CNTNAP4: variants seen among roughly 807,000 people sequenced by gnomAD.
The protein encoded by CNTNAP4 is contactin associated protein family member 4.
In CNTNAP4, 98 loss-of-function variants were observed where a neutral mutation model predicts 148.4. The observed-to-expected ratio is 0.66, with a 90% CI of 0.56 to 0.78. The LOEUF (loss-of-function observed/expected upper bound fraction) is 0.78. Among genes scored for constraint, CNTNAP4 ranks in the 30% least tolerant of loss-of-function variants. The pLI is 0.00. For missense variants in CNTNAP4, 1,935 were observed against 1,565.6 expected, an observed-to-expected ratio of 1.24 and a Z score of -3.98; for synonymous variants, 730 against 565.1, an observed-to-expected ratio of 1.29 and a Z score of -4.14.
intron 3 of CNTNAP4, among the ~76,000 whole-genome samples, chr16:76,427,012 A>G (rs1187298285): frequency 6.6e-6 from 1 of 152,194 alleles, no homozygotes; most frequent in Non-Finnish European, 1.5e-5. Context: ...GAAAGAACCA[A>G]AAGACATCAT....
intron 2 of CNTNAP4, among the ~76,000 whole-genome samples, chr16:76,339,773 A>G (rs1293925018): frequency 6.6e-6 from 1 of 152,240 alleles, no homozygotes. Context: ...CCTCGCTTTT[A>G]TGTTTGAGCA....
chr16:76,355,410 C>T lies in CNTNAP4; in HGVS notation c.289C>T (p.Gln97Ter). The change falls in exon 3 of 24, where the codon CAA becomes TAA. Residue 97 changes from glutamine (Q) to a stop codon, truncating the protein, a stop_gained. Transcript: ENST00000611870. LOFTEE classifies it high-confidence loss of function. ...ERMEVTAVATQGGYGSSNWVT... is the reference protein window; with the variant it reads ...ERMEVTAVAT ...AATGGAGGTCACCGCTGTGGCCACT[C>T]AAGGGGGATATGGTAGCTCCAACTG... The T allele has an allele frequency of 6.2e-7, 1 of 1,611,998 alleles. No homozygotes were observed. Among genetic ancestry groups the T allele is most frequent in the Non-Finnish European group, 8.5e-7 (1 of 1,178,872 alleles).
intron 2 of CNTNAP4, among the ~76,000 whole-genome samples, chr16:76,346,630 A>C (rs1360042338): frequency 6.6e-6 from 1 of 152,162 alleles, no homozygotes; most frequent in Non-Finnish European, 1.5e-5. Context: ...CCTGATTATC[A>C]TCTGAATTTC....
intron 2 of CNTNAP4, among the ~76,000 whole-genome samples, chr16:76,340,319 T>G (rs1350671531): frequency 6.6e-6 from 1 of 152,220 alleles, no homozygotes; most frequent in Non-Finnish European, 1.5e-5. Context: ...GCTTCCTTCA[T>G]TCTCATCACC....
At chr16:76,449,884 A>T (rs1477588788) in intron 7 of CNTNAP4, 26 bp downstream of exon 7, 1 of 1,568,904 alleles carries the variant, frequency 6.4e-7, no homozygotes, top group Non-Finnish European at 8.6e-7. Context: ...CGAAGACATT[A>T]GTAAAACTAT....
At chr16:76,368,162 C>T (rs996717590) in intron 3 of CNTNAP4, among the ~76,000 whole-genome samples, 1 of 152,134 alleles carries the variant, frequency 6.6e-6, no homozygotes, top group Non-Finnish European at 1.5e-5. Context: ...TTAGATTCTC[C>T]TGCACATTCT....
Position 76,277,597 on chromosome 16 carries a change from G to T in CNTNAP4, c.-66G>T, listed in dbSNP as rs368397887. ...CCCAGACAGAGCTGGCAGAGCTACT[G>T]AGAAGAGGACTGGAGCGCTCTGAGA... On this transcript the variant is annotated 5_prime_UTR_variant, in exon 1 of 24. Coordinates refer to ENST00000611870, the MANE Select transcript of CNTNAP4 (RefSeq NM_033401.5). 188 of 1,082,342 alleles carry T rather than the reference G, an allele frequency of 1.7e-4. No homozygotes were observed. The African/African-American group carries it at 2.6e-3, about 15-fold the overall frequency. The allele number at this position is 1,082,342 out of a possible 1,614,324, so 67.0% of individuals were successfully genotyped here.
At chr16:76,355,245 AT>A in intron 2 of CNTNAP4, 72 bp from the exon 3 acceptor site, 2 of 1,180,820 alleles carry the variant, frequency 1.7e-6, no homozygotes. Context: ...TCGTACTGGC[AT>A]TTCTTTACAA....
intron 2 of CNTNAP4, among the ~76,000 whole-genome samples, chr16:76,320,767 ATAGTG>A (rs1962321244): frequency 6.6e-6 from 1 of 152,174 alleles, no homozygotes; most frequent in Non-Finnish European, 1.5e-5. Flanking sequence ...CACATCTTTT[ATAGTG>A]TTATAATCTG....
intron 2 of CNTNAP4, among the ~76,000 whole-genome samples, chr16:76,320,897 CA>C (rs1221022424): frequency 6.6e-6 from 1 of 152,046 alleles, no homozygotes; most frequent in African/African-American, 2.4e-5. Flanking sequence ...TTGTCCAAAG[CA>C]AAAATAATAT....
At chr16:76,345,774 C>A (rs1207690420) in intron 2 of CNTNAP4, among the ~76,000 whole-genome samples, 1 of 152,132 alleles carries the variant, frequency 6.6e-6, no homozygotes, top group African/African-American at 2.4e-5. Flanking sequence ...AGATTTACAC[C>A]TCAAGGGGCA....
At chr16:76,436,920 C>T (rs1254876206) in intron 4 of CNTNAP4, among the ~76,000 whole-genome samples, 1 of 151,870 alleles carries the variant, frequency 6.6e-6, no homozygotes, top group Non-Finnish European at 1.5e-5. Context: ...ACTCCTGGTA[C>T]CAAAATCTGT....
intron 2 of CNTNAP4, among the ~76,000 whole-genome samples, chr16:76,335,303 C>T (rs1963924193): frequency 6.6e-6 from 1 of 152,132 alleles, no homozygotes; most frequent in Non-Finnish European, 1.5e-5. Context: ...TAGAAATAGA[C>T]ACAATATCTC....
chr16:76,425,046 A>C (rs1319681995), intron 3 of CNTNAP4, among the ~76,000 whole-genome samples: 1 of 152,136 alleles, frequency 6.6e-6, no homozygotes, highest in African/African-American at 2.4e-5. Context: ...TTTCTTACCA[A>C]ACCTCAGTAA....
In CNTNAP4 at chr16:76,373,263, T is replaced by TATATGTGAAATATATTCCACATAA. The variant is rs1567902341; in HGVS notation, c.390+17784_390+17807dup. The stretch of plus-strand genomic sequence containing the variant: ...TAAATAGGTGAATATATTCCACATA[T>TATATGTGAAATATATTCCACATAA]ATATGTGAAATATATTCCACATAAA... On this transcript the variant is annotated intron_variant, in intron 3 of 23. Coordinates refer to ENST00000611870, the MANE Select transcript of CNTNAP4 (RefSeq NM_033401.5). 3.9e-4 allele frequency among the ~76,000 whole-genome samples: 23 copies of TATATGTGAAATATATTCCACATAA among 58,768 alleles called. No homozygotes were observed. The East Asian group carries it at 4.5e-3, about 12-fold the overall frequency. 38.6% of individuals were successfully genotyped at this position (58,768 alleles called of 152,430 possible).
chr16:76,555,663 A>G (rs1167128839), intron 23 of CNTNAP4, among the ~76,000 whole-genome samples: 1 of 152,234 alleles, frequency 6.6e-6, no homozygotes, highest in Admixed American at 6.5e-5. Context: ...GTTTTGCTCA[A>G]ACATCATTGG....
chr16:76,298,481 CATGTATGTGT>C lies in CNTNAP4; in HGVS notation c.86-17931_86-17922del, dbSNP rs1285008688. 3.5e-3 allele frequency among the ~76,000 whole-genome samples: 466 copies of C among 134,912 alleles called. 3 individuals carry two copies. Among genetic ancestry groups the C allele is most frequent in the African/African-American group, 0.012 (442 of 35,646 alleles). 88.5% of individuals were successfully genotyped at this position (134,912 alleles called of 152,430 possible). A position where few individuals can be genotyped will look rare whatever the true frequency, so the allele number is the denominator to read the frequency against. ...TTCATTGTGTGTGCACATGTGTGTA[CATGTATGTGT>C]GTGTGTGTGTGTGTGTGTGTGTGTG... On this transcript the variant is annotated intron_variant, in intron 1 of 23. Coordinates refer to ENST00000611870, the MANE Select transcript of CNTNAP4 (RefSeq NM_033401.5).
intron 17 of CNTNAP4, among the ~76,000 whole-genome samples, chr16:76,522,704 T>C (rs941009465): frequency 0.025 from 687 of 27,902 alleles, 73 homozygotes; most frequent in Admixed American, 0.1. Context: ...TTCTTTTCTT[T>C]TCTTTTCTTT....
chr16:76,288,762 C>G (rs1028560538), intron 1 of CNTNAP4, among the ~76,000 whole-genome samples: 2 of 152,078 alleles, frequency 1.3e-5, no homozygotes, highest in African/African-American at 2.4e-5. Context: ...GAAAACAATA[C>G]GTTGATGGAT....
Sources: allele counts gnomAD v4.1 joint callset (sites outside exome capture counted in the v4.1 genomes callset), GRCh38; gene constraint gnomAD v4.1.1; transcripts MANE v1.5; gene names NCBI Gene and HGNC (gene_info 2026-07-23, HGNC 2026-07-21).